Variants in ADAMTSL1 observed in about 807,000 individuals in gnomAD.
ADAMTSL1 encodes ADAMTS like 1.
A neutral mutation model predicts 201.8 loss-of-function variants in ADAMTSL1; 126 were observed. That is an observed-to-expected ratio of 0.62 (90% CI 0.54 to 0.72). The LOEUF is 0.72. Among genes scored for constraint, ADAMTSL1 ranks in the 30% least tolerant of loss-of-function variants. ADAMTSL1 has a pLI of 0.00. For synonymous variants in ADAMTSL1, 1,121 were observed against 903.4 expected (o/e 1.24, Z -4.32); for missense variants, 2,679 against 2,277.8 (o/e 1.18, Z -3.59).
chr9:18,181,327 A>G (rs1828464591), intron 2 of ADAMTSL1, among the ~76,000 whole-genome samples: 1 of 152,248 alleles, frequency 6.6e-6, no homozygotes, highest in Non-Finnish European at 1.5e-5. Flanking sequence ...AGCAAAAGAA[A>G]TTACCATCAG....
intron 1 of ADAMTSL1, among the ~76,000 whole-genome samples, chr9:18,488,189 C>T (rs975994744): frequency 6.6e-6 from 1 of 152,158 alleles, no homozygotes; most frequent in African/African-American, 2.4e-5. Flanking sequence ...CTGATCTCCC[C>T]AATCTGAGGG....
intron 1 of ADAMTSL1, among the ~76,000 whole-genome samples, chr9:18,482,297 A>G (rs150933720): frequency 6.6e-6 from 1 of 152,344 alleles, no homozygotes; most frequent in Non-Finnish European, 1.5e-5. Context: ...GGTGCACCTC[A>G]TAAGCGGGTT....
chr9:17,973,596 C>T (rs10963373), intron 1 of ADAMTSL1, among the ~76,000 whole-genome samples: 31,196 of 52,618 alleles, frequency 0.59, 10,510 homozygotes, highest in East Asian at 0.81. Flanking sequence ...AGTCAGGTAG[C>T]GTGATGCCTC....
chr9:18,746,220 G>A (rs1165359587), intron 15 of ADAMTSL1, among the ~76,000 whole-genome samples: 1 of 152,190 alleles, frequency 6.6e-6, no homozygotes, highest in Non-Finnish European at 1.5e-5. Context: ...TGGAAACTGA[G>A]AGATTTAGAG....
chr9:18,627,926 A>G (rs10963679), intron 5 of ADAMTSL1, among the ~76,000 whole-genome samples: 6,568 of 152,238 alleles, frequency 0.043, 197 homozygotes, highest in South Asian at 0.095. Context: ...TCTGTTGCTC[A>G]TTTTTAAAAA....
At chr9:18,171,555 A>AG (rs1827891466) in intron 2 of ADAMTSL1, among the ~76,000 whole-genome samples, 1 of 152,072 alleles carries the variant, frequency 6.6e-6, no homozygotes, top group Non-Finnish European at 1.5e-5. Flanking sequence ...TAATATATGA[A>AG]GAACTCCTAG....
chr9:18,736,262 G>A (rs535635446), intron 15 of ADAMTSL1, among the ~76,000 whole-genome samples: 74 of 152,090 alleles, frequency 4.9e-4, no homozygotes, highest in Non-Finnish European at 9.1e-4. Flanking sequence ...GAGCATAAAC[G>A]GTAGGCCATT....
In ADAMTSL1 at chr9:18,888,015, C is replaced by T. The variant is rs1829011558; in HGVS notation, c.4434C>T (p.Leu1478=). 2.5e-6 allele frequency: 4 copies of T among 1,613,640 alleles called. No individual in the cohort carries two copies. The highest frequency in any genetic ancestry group is 8.5e-7 in the Non-Finnish European group (1 of 1,179,822). ...TTGCTCAGAATGAGGCAGGGGTGCT[C>T]ATGCAGAAGGCATCTTTAGTGATCC... ...SCLAQNEAGV[L]MQKASLVIQD... Residue 1478 remains leucine, a synonymous_variant, in exon 24 of 29, where the codon CTC becomes CTT. Transcript: ENST00000380548.
chr9:18,626,148 A>C (rs780008481), intron 5 of ADAMTSL1, among the ~76,000 whole-genome samples: 5 of 152,216 alleles, frequency 3.3e-5, no homozygotes, highest in Admixed American at 2.6e-4. Context: ...ATTCAACAGC[A>C]CATATTTAAT....
In ADAMTSL1 at chr9:18,674,069, T is replaced by C. The variant is rs557429999; in HGVS notation, c.1086-1788T>C. ...GGTAGAAAAAAATGGGATGGTTCAC[T>C]CAAAAAAACAGAAAAGGTTAAAGGC... On this transcript the variant is annotated intron_variant, in intron 9 of 28. Transcript: ENST00000380548. Among the ~76,000 whole-genome samples, 29 of 77,738 alleles carry C rather than the reference T, an allele frequency of 3.7e-4. No homozygotes were observed. In the South Asian group the frequency reaches 7.0e-3, roughly 19 times the overall value. 51.0% of individuals were successfully genotyped at this position (77,738 alleles called of 152,430 possible). A position where few individuals can be genotyped will look rare whatever the true frequency, so the allele number is the denominator to read the frequency against.
At chr9:17,921,786 T>G (rs2131294273) in intron 1 of ADAMTSL1, among the ~76,000 whole-genome samples, 1 of 152,280 alleles carries the variant, frequency 6.6e-6, no homozygotes, top group African/African-American at 2.4e-5. Flanking sequence ...AGGGAAGAGA[T>G]TCCGTGCTCA....
chr9:18,251,039 G>A (rs1287865422), intron 2 of ADAMTSL1, among the ~76,000 whole-genome samples: 2 of 151,920 alleles, frequency 1.3e-5, no homozygotes, highest in African/African-American at 2.4e-5. Context: ...ACAAAAAACA[G>A]AAACAGCACA....
rs540301664 is a variant in ADAMTSL1 at position 18,230,846 on chromosome 9, A to G, written c.207+66865A>G. Among the ~76,000 whole-genome samples, 85 of 152,348 alleles carry G rather than the reference A, an allele frequency of 5.6e-4. 2 individuals carry two copies. The South Asian group carries it at 0.016, about 28-fold the overall frequency. On this transcript the variant is annotated intron_variant, in intron 2 of 29. Transcript: ENST00000680146. ...GTTAAAATTACATCCATTCTTCTGC[A>G]AGTAACTGAGAATGTATTTTATATT...
chr9:18,725,785 A>G (rs896761758), intron 15 of ADAMTSL1, among the ~76,000 whole-genome samples: 2 of 152,242 alleles, frequency 1.3e-5, no homozygotes, highest in African/African-American at 2.4e-5. Context: ...GCTTTGCTAC[A>G]TACACTTCCA....
At chr9:18,706,547 GA>G in intron 13 of ADAMTSL1, 199 bp from the exon 14 acceptor site, 1 of 554,630 alleles carries the variant, frequency 1.8e-6, no homozygotes, top group Non-Finnish European at 3.2e-6. Context: ...TGACATTCAT[GA>G]AGCAAGCAAC....
chr9:18,294,395 G>C (rs1833390911), intron 2 of ADAMTSL1, among the ~76,000 whole-genome samples: 1 of 152,224 alleles, frequency 6.6e-6, no homozygotes, highest in South Asian at 2.1e-4. Context: ...TAACAGCAAT[G>C]CTGCCCAGCC....
chr9:18,727,733 C>G (rs1359102502), intron 15 of ADAMTSL1, among the ~76,000 whole-genome samples: 1 of 152,186 alleles, frequency 6.6e-6, no homozygotes, highest in Non-Finnish European at 1.5e-5. Flanking sequence ...AAAGGAATAT[C>G]TTTACATCAC....
intron 2 of ADAMTSL1, among the ~76,000 whole-genome samples, chr9:18,179,258 C>G (rs1828334817): frequency 1.3e-5 from 2 of 152,102 alleles, no homozygotes; most frequent in South Asian, 4.2e-4. Flanking sequence ...ATGCGATCAA[C>G]TGGAAGAAAG....
intron 4 of ADAMTSL1, among the ~76,000 whole-genome samples, chr9:18,587,344 A>C (rs565467552): frequency 7.2e-5 from 11 of 152,348 alleles, no homozygotes; most frequent in Admixed American, 6.5e-4. Context: ...GCCAACAAGC[A>C]TATAAAAAAA....
Sources: gnomAD v4.1 joint callset for allele counts (sites outside exome capture counted in the v4.1 genomes callset) on GRCh38, gnomAD v4.1.1 for gene constraint, MANE v1.5 for transcripts, NCBI Gene and HGNC (gene_info 2026-07-23, HGNC 2026-07-21) for gene names.